PSMD4: variants seen among roughly 807,000 people sequenced by gnomAD.
PSMD4 encodes proteasome 26S subunit ubiquitin receptor, non-ATPase 4, also known as 26S proteasome non-ATPase regulatory subunit 4.
Under a neutral mutation model 39.7 loss-of-function variants are expected in PSMD4, and 5 were observed. The observed-to-expected ratio is 0.13, with a 90% CI of 0.07 to 0.26. The LOEUF (loss-of-function observed/expected upper bound fraction) is 0.26, where lower values mean the gene tolerates loss of function less well. Ranked by LOEUF, PSMD4 falls within the 10% of genes least tolerant of loss-of-function variation. PSMD4 has a pLI of 1.00. For missense variants in PSMD4, 272 were observed against 486.1 expected (o/e 0.56, Z 4.14); for synonymous variants, 143 against 174.6 (o/e 0.82, Z 1.43).
chr1:151,256,350 AAAAAAATAATAATAAAATAAAT>A lies in PSMD4; in HGVS notation c.26+1546_26+1567del, dbSNP rs1302475772. 7.9e-4 allele frequency among the ~76,000 whole-genome samples: 62 copies of A among 78,374 alleles called. 1 individual carries two copies. The highest frequency in any genetic ancestry group is 2.9e-3 in the African/African-American group (62 of 21,136). 51.4% of individuals were successfully genotyped at this position (78,374 alleles called of 152,430 possible). A position where few individuals can be genotyped will look rare whatever the true frequency, so the allele number is the denominator to read the frequency against. On this transcript the variant is annotated intron_variant, in intron 1 of 9. Transcript: ENST00000368884. ...CAGAGTGAGACTCCCTCTCAAAAAAAAAAAAATAATAATAAAATAAATAAATAAATAAATAAATAAATAAAAA... is the reference window on the plus strand; with the variant it reads ...CAGAGTGAGACTCCCTCTCAAAAAAAAAATAAATAAATAAATAAATAAAAA...
At chr1:151,267,101 C>G in intron 9 of PSMD4, 72 bp from the exon 10 acceptor site, 1 of 1,569,910 alleles carries the variant, frequency 6.4e-7, no homozygotes, top group Non-Finnish European at 8.8e-7. Flanking sequence ...CAGCGGCATG[C>G]TCCTGTCCTT....
chr1:151,265,985 A>G lies in PSMD4; in HGVS notation c.655-19A>G. ...GAGTGAGGGCAGGGGAGCCCTGATT[A>G]TGCCCTGCCCTTCACCAGGCCCTTC... is the stretch of plus-strand genomic sequence containing the variant. On this transcript the variant is annotated intron_variant, in intron 6 of 9. Transcript: ENST00000368884. 1.3e-6 allele frequency: 2 copies of G among 1,559,908 alleles called. No individual in the cohort carries two copies. The highest frequency in any genetic ancestry group is 1.7e-6 in the Non-Finnish European group (2 of 1,153,602).
intron 1 of PSMD4, among the ~76,000 whole-genome samples, chr1:151,257,191 A>AG (rs1276655393): frequency 6.6e-6 from 1 of 152,208 alleles, no homozygotes; most frequent in African/African-American, 2.4e-5. Flanking sequence ...GTTATTGAAT[A>AG]GGGACTCTTT....
intron 9 of PSMD4, chr1:151,266,797 T>C (rs965211248): frequency 7.3e-5 from 57 of 785,294 alleles, no homozygotes; most frequent in Non-Finnish European, 8.8e-5. Context: ...AATTTTCCTT[T>C]CTTGCTGGTG....
In PSMD4 at chr1:151,256,362, ATAAAAT is replaced by A. The variant is rs1346821825; in HGVS notation, c.26+1555_26+1560del. On this transcript the variant is annotated intron_variant, in intron 1 of 9. Transcript: ENST00000368884. The stretch of plus-strand genomic sequence containing the variant: ...CCCTCTCAAAAAAAAAAAAATAATA[ATAAAAT>A]AAATAAATAAATAAATAAATAAATA... Among the ~76,000 whole-genome samples the A allele has an allele frequency of 3.0e-3, 110 of 37,076 alleles. 6 individuals carry two copies. Among genetic ancestry groups the A allele is most frequent in the East Asian group, 0.023 (44 of 1,882 alleles). The allele number at this position is 37,076 out of a possible 152,430, so 24.3% of individuals were successfully genotyped here. A position where few individuals can be genotyped will look rare whatever the true frequency, so the allele number is the denominator to read the frequency against.
chr1:151,265,646 C>T, intron 6 of PSMD4, 37 bp downstream of exon 6: 1 of 1,589,684 alleles, frequency 6.3e-7, no homozygotes, highest in South Asian at 1.1e-5. Flanking sequence ...GTCCAAAGGT[C>T]CCTCTTTGTT....
At position 151,266,038 on chromosome 1, in the gene PSMD4, G is replaced by A; in HGVS notation, c.689G>A (p.Arg230Gln). 3 of 1,606,794 alleles carry A rather than the reference G, an allele frequency of 1.9e-6. No individual in the cohort carries two copies. Among genetic ancestry groups the A allele is most frequent in the Non-Finnish European group, 2.5e-6 (3 of 1,176,566 alleles). ...GTATCTATGGAAGAGCAGCGGCAGC[G>A]GCAGGAGGAGGAGGCCCGGCGGGCA... ...LRVSMEEQRQ[R>Q]QEEEARRAAA... The change falls in exon 7 of 10, where the codon CGG (arginine) becomes CAG (glutamine). Residue 230 changes from arginine to glutamine, a missense_variant. By Grantham distance (43) the Arg-to-Gln change is conservative. Transcript: ENST00000368884.
At chr1:151,264,979 G>A (rs775994970) in intron 4 of PSMD4, 61 bp downstream of exon 4, 67 of 1,476,170 alleles carry the variant, frequency 4.5e-5, no homozygotes, top group Non-Finnish European at 5.9e-5. Context: ...AGGTCTTCCA[G>A]CCCTCAGGAG....
intron 3 of PSMD4, among the ~76,000 whole-genome samples, 156 bp from the exon 4 acceptor site, chr1:151,264,676 A>T (rs1693388817): frequency 6.6e-6 from 1 of 152,126 alleles, no homozygotes; most frequent in African/African-American, 2.4e-5. Flanking sequence ...CATAGCAAAA[A>T]GGGAGGAGGT....
intron 2 of PSMD4, among the ~76,000 whole-genome samples, chr1:151,263,554 T>C (rs192181205): frequency 1.3e-5 from 2 of 150,526 alleles, no homozygotes; most frequent in East Asian, 2.0e-4. Flanking sequence ...ACAGGCCAGG[T>C]GCGGTGGCTC....
At chr1:151,266,712 G>T in intron 9 of PSMD4, 125 bp downstream of exon 9, 2 of 1,170,692 alleles carry the variant, frequency 1.7e-6, no homozygotes, top group Non-Finnish European at 1.2e-6. Context: ...ACATGGATTT[G>T]CATTTCTTAC....
At chr1:151,265,700 G>A in intron 6 of PSMD4, 91 bp downstream of exon 6, 1 of 1,352,834 alleles carries the variant, frequency 7.4e-7, no homozygotes, top group Non-Finnish European at 1.0e-6. Context: ...AGGCTGGATA[G>A]TCCTAGACAC....
chr1:151,266,965 G>A, intron 9 of PSMD4: 1 of 726,220 alleles, frequency 1.4e-6, no homozygotes, highest in South Asian at 1.5e-5. Flanking sequence ...GTTCTCAGCA[G>A]GCCCCTCTAT....
intron 3 of PSMD4, among the ~76,000 whole-genome samples, chr1:151,264,364 G>T (rs1693380777): frequency 6.6e-6 from 1 of 151,450 alleles, no homozygotes; most frequent in South Asian, 2.1e-4. Context: ...AAAAGGCCGG[G>T]CGCGGTGGCT....
chr1:151,265,553 GGTGCCA>G lies in PSMD4; in HGVS notation c.602_607del (p.Ala201_Ser202del). The G allele has an allele frequency of 6.2e-7, 1 of 1,614,146 alleles. No individual in the cohort carries two copies. The highest frequency in any genetic ancestry group is 8.5e-7 in the Non-Finnish European group (1 of 1,180,040). On this transcript the variant is annotated inframe_deletion, in exon 6 of 10. Transcript: ENST00000368884. ...TGAAGGTGGTGCCATGCTGGGTCTTGGTGCCAGTGACTTTGAATTTGGAGTAGATCC... is the reference window on the plus strand; with the variant it reads ...TGAAGGTGGTGCCATGCTGGGTCTTGGTGACTTTGAATTTGGAGTAGATCC...
rs996715839 is a variant in PSMD4, at chr1:151,267,323, A to G, written c.1114A>G (p.Lys372Glu). 2 of 1,613,916 alleles carry G rather than the reference A, an allele frequency of 1.2e-6. No individual in the cohort carries two copies. The highest frequency in any genetic ancestry group is 1.3e-5 in the African/African-American group (1 of 75,044). The change falls in exon 10 of 10, where the codon AAG becomes GAG. Residue 372 changes from lysine (K) to glutamate (E), a missense_variant. Transcript: ENST00000368884. Reference sequence around the variant, plus strand: ...CACCAAGGACGGCAAGAAGGACAAGAAGGAGGAAGACAAGAAGTGAGACTG... The same window carrying G: ...CACCAAGGACGGCAAGAAGGACAAGGAGGAGGAAGACAAGAAGTGAGACTG... ...QATKDGKKDK[K>E]EEDKK
rs1167149947 is a variant in PSMD4, at chr1:151,256,345, AAAAAAAAAAAATAATAAT to A, written c.26+1542_26+1559del. The stretch of plus-strand genomic sequence containing the variant: ...GGCGACAGAGTGAGACTCCCTCTCA[AAAAAAAAAAAATAATAAT>A]AAAATAAATAAATAAATAAATAAAT... On this transcript the variant is annotated intron_variant, in intron 1 of 9. Transcript: ENST00000368884. 3.3e-4 allele frequency among the ~76,000 whole-genome samples: 27 copies of A among 81,214 alleles called. 2 individuals are homozygous for A. The highest frequency in any genetic ancestry group is 8.5e-4 in the Admixed American group (7 of 8,208). 53.3% of individuals were successfully genotyped at this position (81,214 alleles called of 152,430 possible). A position where few individuals can be genotyped will look rare whatever the true frequency, so the allele number is the denominator to read the frequency against.
intron 5 of PSMD4, 39 bp downstream of exon 5, chr1:151,265,273 G>A: frequency 1.2e-6 from 2 of 1,601,856 alleles, no homozygotes; most frequent in Non-Finnish European, 1.7e-6. Context: ...ACTTAATTTG[G>A]TCATAAACAG....
At chr1:151,258,182 C>T (rs1426313124) in intron 1 of PSMD4, among the ~76,000 whole-genome samples, 1 of 151,906 alleles carries the variant, frequency 6.6e-6, no homozygotes, top group Non-Finnish European at 1.5e-5. Context: ...TGCCACCATG[C>T]CCGGGTAATT....
Sources: gnomAD v4.1 joint callset for allele counts (sites outside exome capture counted in the v4.1 genomes callset) on GRCh38, gnomAD v4.1.1 for gene constraint, MANE v1.5 for transcripts, NCBI Gene and HGNC (gene_info 2026-07-23, HGNC 2026-07-21) for gene names.